FNBP1: variants seen among roughly 807,000 people sequenced by gnomAD.
FNBP1 encodes formin-binding protein 1.
In FNBP1, 26 loss-of-function variants were observed where a neutral mutation model predicts 90.6. The observed-to-expected ratio is 0.29, with a 90% CI of 0.21 to 0.40. The LOEUF is 0.40. Among genes scored for constraint, FNBP1 ranks in the 10% least tolerant of loss-of-function variants. The pLI is 1.00. For missense variants in FNBP1, 635 were observed against 768.0 expected, an observed-to-expected ratio of 0.83 and a Z score of 2.05; for synonymous variants, 260 against 265.2, an observed-to-expected ratio of 0.98 and a Z score of 0.19.
chr9:130,042,885 C>T lies in FNBP1; in HGVS notation c.24+67G>A, dbSNP rs962696904. On this transcript the variant is annotated intron_variant, in intron 1 of 16. Coordinates refer to ENST00000446176, the MANE Select transcript of FNBP1 (RefSeq NM_015033.3). The surrounding 1 kb of genome is among the most constrained non-coding windows in gnomAD (Gnocchi z 5.5). ...CGCCCAGCAGCGCGGCCCGCGCCCCCTCCCCAGGCCGCGGGGAAACGCAGC... is the reference window on the plus strand; with the variant it reads ...CGCCCAGCAGCGCGGCCCGCGCCCCTTCCCCAGGCCGCGGGGAAACGCAGC... 9.0e-7 allele frequency: 1 copy of T among 1,117,070 alleles called. No homozygotes were observed. The highest frequency in any genetic ancestry group is 1.1e-6 in the Non-Finnish European group (1 of 883,902). 69.2% of individuals were successfully genotyped at this position (1,117,070 alleles called of 1,614,324 possible). A position where few individuals can be genotyped will look rare whatever the true frequency, so the allele number is the denominator to read the frequency against.
At chr9:129,979,185 T>G in intron 3 of FNBP1, 133 bp downstream of exon 3, 1 of 569,992 alleles carries the variant, frequency 1.8e-6, no homozygotes, top group Non-Finnish European at 3.1e-6. Flanking sequence ...TATTGTTCTC[T>G]CCTCCAATTT....
chr9:129,948,821 G>A (rs746860299), intron 6 of FNBP1, among the ~76,000 whole-genome samples: 6 of 152,022 alleles, frequency 3.9e-5, no homozygotes, highest in African/African-American at 9.7e-5. Context: ...GATTACAGGC[G>A]TGAGTCACTA....
At chr9:130,003,579 C>G (rs1292513499) in intron 1 of FNBP1, among the ~76,000 whole-genome samples, 1 of 151,768 alleles carries the variant, frequency 6.6e-6, no homozygotes, top group African/African-American at 2.4e-5. Flanking sequence ...TGCACTCCAG[C>G]CTGGGCAACA....
intron 1 of FNBP1, among the ~76,000 whole-genome samples, chr9:130,021,186 C>T (rs1222480310): frequency 6.6e-6 from 1 of 152,108 alleles, no homozygotes; most frequent in Non-Finnish European, 1.5e-5. Flanking sequence ...GCCTATTAAA[C>T]TTAAGGACAG....
chr9:130,053,843 G>T, the FNBP1 span: 1 of 1,282,920 alleles, frequency 7.8e-7, no homozygotes, highest in South Asian at 1.3e-5. Flanking sequence ...GCTAGCCGCC[G>T]AGCCCCGCTC....
intron 1 of FNBP1, among the ~76,000 whole-genome samples, chr9:130,001,098 C>A (rs896090562): frequency 6.6e-6 from 1 of 151,654 alleles, no homozygotes; most frequent in Admixed American, 6.6e-5. Context: ...TTTGGGAGGC[C>A]GAGGCAGGCG....
intron 16 of FNBP1, among the ~76,000 whole-genome samples, chr9:129,892,711 C>G (rs998381083): frequency 8.5e-5 from 13 of 152,180 alleles, no homozygotes; most frequent in Admixed American, 2.0e-4. Context: ...AATGGAAATT[C>G]CTGATTCTTT....
At chr9:129,929,409 CAAAAAAAAAAAAAA>C (rs11290487) in intron 7 of FNBP1, among the ~76,000 whole-genome samples, 144 bp downstream of exon 7, 3 of 61,214 alleles carry the variant, frequency 4.9e-5, no homozygotes, top group Admixed American at 2.2e-4. Context: ...GACTCTGTCT[CAAAAAAAAAAAAAA>C]AAAAAAAAAA....
At chr9:129,956,075 G>A (rs1045671401) in intron 6 of FNBP1, among the ~76,000 whole-genome samples, 2 of 152,104 alleles carry the variant, frequency 1.3e-5, no homozygotes, top group Non-Finnish European at 2.9e-5. Context: ...GTCTCGTTAT[G>A]TTGCCCAGTC....
At chr9:129,928,413 C>T (rs1212647469) in intron 7 of FNBP1, among the ~76,000 whole-genome samples, 1 of 152,202 alleles carries the variant, frequency 6.6e-6, no homozygotes, top group Non-Finnish European at 1.5e-5. Flanking sequence ...AATCCCAGCA[C>T]TTTGGGAGGC....
In FNBP1 at chr9:130,010,051, G is replaced by A. The variant is rs989355535; in HGVS notation, c.25-15093C>T. Among the ~76,000 whole-genome samples, 13 of 150,834 alleles carry A rather than the reference G, an allele frequency of 8.6e-5. No homozygotes were observed. The South Asian group carries it at 1.3e-3, about 15-fold the overall frequency. On this transcript the variant is annotated intron_variant, in intron 1 of 16. Transcript: ENST00000446176. Reference sequence around the variant, plus strand: ...TGCATGCCAAATTAGTGGAAAAAACGCTAATCTGCAGAGATGAAGAGGAAA... The same window carrying A: ...TGCATGCCAAATTAGTGGAAAAAACACTAATCTGCAGAGATGAAGAGGAAA...
chr9:130,049,031 G>A, the FNBP1 span, among the ~76,000 whole-genome samples: 3 of 151,650 alleles, frequency 2.0e-5, no homozygotes, highest in Non-Finnish European at 4.4e-5. Context: ...CGCCCGCCTC[G>A]GCCTCCCAAA....
chr9:129,902,958 G>A lies in FNBP1; in HGVS notation c.1339C>T (p.Gln447Ter). Residue 447 changes from glutamine (Q) to a stop codon, truncating the protein, a stop_gained, in exon 13 of 17, where the codon CAG (glutamine) becomes TAG (stop). Coordinates refer to ENST00000446176, the MANE Select transcript of FNBP1 (RefSeq NM_015033.3). LOFTEE classifies it high-confidence loss of function. ...TCCAAACTGGCTGGGTCTCCCATCT[G>A]AGGATTCTTTAGGTAGACATCTTTC... is the stretch of plus-strand genomic sequence containing the variant. ...KMKDVYLKNPQMGDPASLDHK... is the reference protein window; with the variant it reads ...KMKDVYLKNP 1 of 1,605,514 alleles carries A rather than the reference G, an allele frequency of 6.2e-7. No homozygotes were observed. The highest frequency in any genetic ancestry group is 2.2e-5 in the East Asian group (1 of 44,704).
At chr9:130,001,093 G>A (rs2054759636) in intron 1 of FNBP1, among the ~76,000 whole-genome samples, 1 of 152,126 alleles carries the variant, frequency 6.6e-6, no homozygotes, top group Admixed American at 6.6e-5. Flanking sequence ...AGCACTTTGG[G>A]AGGCCGAGGC....
chr9:129,898,253 A>G (rs553891211), intron 15 of FNBP1, among the ~76,000 whole-genome samples: 10 of 152,122 alleles, frequency 6.6e-5, no homozygotes, highest in African/African-American at 2.2e-4. Flanking sequence ...ATAGCTCCTC[A>G]ATGTTTGCCA....
chr9:129,927,261 C>T lies in FNBP1; in HGVS notation c.723G>A (p.Val241=), dbSNP rs2042053119. 7 of 1,613,298 alleles carry T rather than the reference C, an allele frequency of 4.3e-6. No homozygotes were observed. In the East Asian group the frequency reaches 1.6e-4, roughly 36 times the overall value. Residue 241 remains valine (V), a synonymous_variant, in exon 8 of 17, where the codon GTG becomes GTA. Transcript: ENST00000446176. ...CCAGGCACTTCCCAATGATTGGGAT[C>T]ACCTGCCGATCAACCTCTGCATATG... The part of the protein sequence containing the change: ...MKTYAEVDRQ[V]IPIIGKCLDG...
upstream of FNBP1, among the ~76,000 whole-genome samples, chr9:130,043,726 G>A (rs1471057684): frequency 6.6e-6 from 1 of 152,220 alleles, no homozygotes; most frequent in Non-Finnish European, 1.5e-5. Context: ...ACGGCCTCGA[G>A]TGGCTAGGGA....
chr9:130,012,484 G>C (rs77789448), intron 1 of FNBP1, among the ~76,000 whole-genome samples: 3,384 of 152,134 alleles, frequency 0.022, 127 homozygotes, highest in African/African-American at 0.078. Flanking sequence ...GGAAAAATGA[G>C]ATAAAACCTC....
chr9:129,940,554 A>C (rs1467432887), intron 6 of FNBP1, among the ~76,000 whole-genome samples: 5 of 152,072 alleles, frequency 3.3e-5, no homozygotes, highest in African/African-American at 9.7e-5. Flanking sequence ...TATGAATCCC[A>C]AAACCAACAA....
Sources: gnomAD v4.1 joint callset for allele counts (sites outside exome capture counted in the v4.1 genomes callset) on GRCh38, gnomAD v4.1.1 for gene constraint, Gnocchi (gnomAD v3.1) non-coding constraint, MANE v1.5 for transcripts, NCBI Gene and HGNC (gene_info 2026-07-23, HGNC 2026-07-21) for gene names.